Variants in BRCA2 observed in about 807,000 individuals in gnomAD.
BRCA2 encodes BRCA2 DNA repair associated.
In BRCA2, 203 loss-of-function variants were observed where a neutral mutation model predicts 276.7. That is an observed-to-expected ratio of 0.73 (90% CI 0.65 to 0.82). The LOEUF (loss-of-function observed/expected upper bound fraction) is 0.82. Ranked by LOEUF, BRCA2 falls within the 40% of genes least tolerant of loss-of-function variation. The pLI is 0.00. For missense variants in BRCA2, 3,920 were observed against 3,915.0 expected (o/e 1.00, Z -0.03); for synonymous variants, 1,289 against 1,338.4 (o/e 0.96, Z 0.81).
At chr13:32,362,787 G>A (rs1312819703) in intron 17 of BRCA2, 94 bp downstream of exon 17, 4 of 1,412,614 alleles carry the variant, frequency 2.8e-6, no homozygotes, top group Admixed American at 1.8e-5. Flanking sequence ...TGTTGCACAA[G>A]CCAGTTGTCA....
chr13:32,386,124 G>T, intron 24 of BRCA2: 1 of 163,564 alleles, frequency 6.1e-6, no homozygotes, highest in South Asian at 1.7e-4. Context: ...CTCAAATATT[G>T]ACCACTTTCA....
rs1277804277 is a variant in BRCA2 at position 32,340,028 on chromosome 13, A to G, written c.5673A>G (p.Ala1891=). ...KSKICQTKIM[A]GCYEALDDSE... The stretch of plus-strand genomic sequence containing the variant: ...AAATTTGCCAAACGAAAATTATGGC[A>G]GGTTGTTACGAGGCATTGGATGATT... Residue 1891 remains alanine, a synonymous_variant, in exon 11 of 27, where the codon GCA becomes GCG. Coordinates refer to ENST00000380152, the MANE Select transcript of BRCA2 (RefSeq NM_000059.4). 6.2e-7 allele frequency: 1 copy of G among 1,613,590 alleles called. No homozygotes were observed. The highest frequency in any genetic ancestry group is 8.5e-7 in the Non-Finnish European group (1 of 1,179,828).
At chr13:32,352,003 G>A (rs1446597227) in intron 13 of BRCA2, among the ~76,000 whole-genome samples, 8 of 151,946 alleles carry the variant, frequency 5.3e-5, no homozygotes, top group East Asian at 3.9e-4. Flanking sequence ...GGGTTTCACC[G>A]TGTTAGCCAG....
Position 32,356,458 on chromosome 13 carries a change from A to G in BRCA2, c.7466A>G (p.Asp2489Gly), listed in dbSNP as rs80358970. ...DLITSLQNAR[D>G]IQDMRIKKKQ... Reference sequence around the variant, plus strand: ...ATTACAAGTCTTCAGAATGCCAGAGATATACAGGATATGCGAATTAAGAAG... The same window carrying G: ...ATTACAAGTCTTCAGAATGCCAGAGGTATACAGGATATGCGAATTAAGAAG... The change falls in exon 15 of 27, where the codon GAT (aspartate) becomes GGT (glycine). Residue 2489 changes from aspartate (D) to glycine (G), a missense_variant. Physicochemically the swap from Asp to Gly is moderately conservative, Grantham distance 94 (BLOSUM62 -1). Around this residue, in one of 2 missense-constraint regions of BRCA2, gnomAD observed 3,263 missense variants for 3,156.9 expected, o/e 1.03. Coordinates refer to ENST00000380152, the MANE Select transcript of BRCA2 (RefSeq NM_000059.4). 8 of 1,613,920 alleles carry G rather than the reference A, an allele frequency of 5.0e-6. No individual in the cohort carries two copies. The highest frequency in any genetic ancestry group is 6.8e-6 in the Non-Finnish European group (8 of 1,179,888).
At chr13:32,325,302 T>A in intron 4 of BRCA2, 118 bp downstream of exon 4, 1 of 719,868 alleles carries the variant, frequency 1.4e-6, no homozygotes, top group Non-Finnish European at 2.3e-6. Flanking sequence ...TGGTAGAAGA[T>A]CTTACATTTT....
At chr13:32,394,610 A>G in intron 24 of BRCA2, 79 bp from the exon 25 acceptor site, 3 of 1,509,416 alleles carry the variant, frequency 2.0e-6, no homozygotes, top group South Asian at 1.2e-5. Flanking sequence ...AAATAGGCAT[A>G]TTAGAGTTTC....
Position 32,376,765 on chromosome 13 carries a change from A to G in BRCA2, c.8728A>G (p.Asn2910Asp). Reference protein sequence around the residue: ...DGAELYEAVKNAADPAYLEGY... With the variant: ...DGAELYEAVKDAADPAYLEGY... ...TGCAGAGCTTTATGAAGCAGTGAAGAATGCAGCAGACCCAGCTTACCTTGA... is the reference window on the plus strand; with the variant it reads ...TGCAGAGCTTTATGAAGCAGTGAAGGATGCAGCAGACCCAGCTTACCTTGA... Residue 2910 changes from asparagine (N) to aspartate (D), a missense_variant, in exon 21 of 27, where the codon AAT (asparagine) becomes GAT (aspartate). Physicochemically the swap from Asn to Asp is conservative, Grantham distance 23 (BLOSUM62 1). Around this residue, in one of 2 missense-constraint regions of BRCA2, gnomAD observed 657 missense variants for 758.2 expected, o/e 0.87. Transcript: ENST00000380152. 6.2e-7 allele frequency: 1 copy of G among 1,614,170 alleles called. No homozygotes were observed. The highest frequency in any genetic ancestry group is 8.5e-7 in the Non-Finnish European group (1 of 1,180,026).
chr13:32,390,470 AAAAC>A (rs1364884250), intron 24 of BRCA2, among the ~76,000 whole-genome samples: 1 of 152,212 alleles, frequency 6.6e-6, no homozygotes, highest in East Asian at 1.9e-4. Context: ...ACATAATAAT[AAAAC>A]AAACTGTACA....
rs80358697 is a variant in BRCA2 at position 32,339,013 on chromosome 13, C to G, written c.4658C>G (p.Thr1553Ser). ...CTTTTTGATGAAAAAGAGCAAGGTA[C>G]TAGTGAAATCACCAGTTTTAGCCAT... ...KNLFDEKEQG[T>S]SEITSFSHQW... The change falls in exon 11 of 27, where the codon ACT becomes AGT. Residue 1553 changes from threonine to serine, a missense_variant. By Grantham distance (58) the Thr-to-Ser change is moderately conservative. Around this residue, in one of 2 missense-constraint regions of BRCA2, gnomAD observed 3,263 missense variants for 3,156.9 expected, o/e 1.03. Transcript: ENST00000380152. 1 of 1,613,924 alleles carries G rather than the reference C, an allele frequency of 6.2e-7. No homozygotes were observed. The highest frequency in any genetic ancestry group is 8.5e-7 in the Non-Finnish European group (1 of 1,179,932).
chr13:32,372,328 A>T (rs2072840287), intron 20 of BRCA2, among the ~76,000 whole-genome samples: 1 of 152,200 alleles, frequency 6.6e-6, no homozygotes, highest in Non-Finnish European at 1.5e-5. Flanking sequence ...GCTCTGTATT[A>T]ATCTGTTCCC....
chr13:32,323,904 A>G (rs886137586), intron 3 of BRCA2, among the ~76,000 whole-genome samples: 4 of 152,236 alleles, frequency 2.6e-5, no homozygotes, highest in African/African-American at 9.6e-5. Flanking sequence ...AAAACTGTAA[A>G]TTGGATTTCA....
At chr13:32,357,959 CTTTT>C in intron 16 of BRCA2, 30 bp downstream of exon 16, 1 of 1,600,546 alleles carries the variant, frequency 6.2e-7, no homozygotes, top group Non-Finnish European at 8.6e-7. Flanking sequence ...TGTGTGTTAA[CTTTT>C]ATGTATTCCC....
At chr13:32,361,483 GA>G (rs2137574390) in intron 16 of BRCA2, among the ~76,000 whole-genome samples, 1 of 152,276 alleles carries the variant, frequency 6.6e-6, no homozygotes, top group African/African-American at 2.4e-5. Flanking sequence ...ACATTGCTTG[GA>G]GAGGAAGTAG....
At chr13:32,362,485 G>A in intron 16 of BRCA2, 38 bp from the exon 17 acceptor site, 1 of 1,570,002 alleles carries the variant, frequency 6.4e-7, no homozygotes, top group Non-Finnish European at 8.8e-7. Context: ...ATCATCCTAT[G>A]TGGTTTTTAT....
rs2073040551 is a variant in BRCA2 at position 32,396,940 on chromosome 13, C to T, written c.9544C>T (p.His3182Tyr). 1 of 1,614,028 alleles carries T rather than the reference C, an allele frequency of 6.2e-7. No individual in the cohort carries two copies. Among genetic ancestry groups the T allele is most frequent in the Non-Finnish European group, 8.5e-7 (1 of 1,179,920 alleles). Residue 3182 changes from histidine to tyrosine, a missense_variant, in exon 26 of 27, where the codon CAT becomes TAT. By Grantham distance (83) the His-to-Tyr change is moderately conservative. This residue lies in a region of BRCA2 where 657 missense variants were observed against 758.2 expected (regional missense o/e 0.87). Coordinates refer to ENST00000380152, the MANE Select transcript of BRCA2 (RefSeq NM_000059.4). Reference protein sequence around the residue: ...LCNEAENKLMHILHANDPKWS... With the variant: ...LCNEAENKLMYILHANDPKWS... ...CAATGAAGCAGAAAACAAGCTTATGCATATACTGCATGCAAATGATCCCAA... is the reference window on the plus strand; with the variant it reads ...CAATGAAGCAGAAAACAAGCTTATGTATATACTGCATGCAAATGATCCCAA...
rs2137557370 is a variant in BRCA2 at position 32,355,109 on chromosome 13, T to C, written c.7256T>C (p.Val2419Ala). Residue 2419 changes from valine to alanine, a missense_variant, in exon 14 of 27, where the codon GTT (valine) becomes GCT (alanine). Physicochemically the swap from Val to Ala is moderately conservative, Grantham distance 64. Around this residue, in one of 2 missense-constraint regions of BRCA2, gnomAD observed 3,263 missense variants for 3,156.9 expected, o/e 1.03. Coordinates refer to ENST00000380152, the MANE Select transcript of BRCA2 (RefSeq NM_000059.4). ...AAAACTAAATCACATTTTCACAGAG[T>C]TGAACAGTGTGTTAGGAATATTAAC... ...PFKTKSHFHR[V>A]EQCVRNINLE... 6.2e-7 allele frequency: 1 copy of C among 1,613,750 alleles called. No homozygotes were observed.
intron 7 of BRCA2, 125 bp from the exon 8 acceptor site, chr13:32,329,318 T>C: frequency 1.5e-6 from 1 of 663,664 alleles, no homozygotes; most frequent in Non-Finnish European, 2.7e-6. Flanking sequence ...AGTACTTGAA[T>C]CAATTCATTT....
At chr13:32,358,313 T>TA (rs2072715261) in intron 16 of BRCA2, among the ~76,000 whole-genome samples, 1 of 144,100 alleles carries the variant, frequency 6.9e-6, no homozygotes. Context: ...CCATCTCTAC[T>TA]AAAAGTACAA....
chr13:32,346,174 C>T (rs2072609441), intron 12 of BRCA2, among the ~76,000 whole-genome samples: 1 of 151,416 alleles, frequency 6.6e-6, no homozygotes, highest in African/African-American at 2.4e-5. Context: ...TATAGGTAAT[C>T]TTTTTTAGTG....
Sources: allele counts gnomAD v4.1 joint callset (sites outside exome capture counted in the v4.1 genomes callset), GRCh38; gene constraint gnomAD v4.1.1; regional missense constraint gnomAD v4.1.1; transcripts MANE v1.5; gene names NCBI Gene and HGNC (gene_info 2026-07-23, HGNC 2026-07-21).